SCUBE1: variants seen among roughly 807,000 people sequenced by gnomAD.
SCUBE1 encodes the protein signal peptide, CUB domain and EGF like domain containing 1.
A neutral mutation model predicts 124.4 loss-of-function variants in SCUBE1; 59 were observed. That is an observed-to-expected ratio of 0.47 (90% CI 0.38 to 0.59). The LOEUF (loss-of-function observed/expected upper bound fraction) is 0.59. Among genes scored for constraint, SCUBE1 ranks in the 20% least tolerant of loss-of-function variants. The pLI is 0.00. For missense variants in SCUBE1, 1,150 were observed against 1,371.2 expected (o/e 0.84, Z 2.55); for synonymous variants, 545 against 550.9 (o/e 0.99, Z 0.15).
chr22:43,303,471 G>C (rs1358213038), intron 3 of SCUBE1, among the ~76,000 whole-genome samples: 2 of 152,264 alleles, frequency 1.3e-5, no homozygotes, highest in African/African-American at 4.8e-5. Context: ...CAACAACCAG[G>C]ACTAAGGAAT....
At chr22:43,295,244 C>T (rs539636311) in intron 3 of SCUBE1, among the ~76,000 whole-genome samples, 12 of 152,286 alleles carry the variant, frequency 7.9e-5, no homozygotes, top group African/African-American at 2.6e-4. Flanking sequence ...TCCGTGTAGT[C>T]TTTCTGGTGC....
At position 43,227,641 on chromosome 22, in the gene SCUBE1, C is replaced by T. The variant is rs144391344; in HGVS notation, c.1085-145G>A. 1.5e-3 allele frequency: 1,481 copies of T among 998,654 alleles called. 4 individuals carry two copies. Among genetic ancestry groups the T allele is most frequent in the Non-Finnish European group, 2.0e-3 (1,387 of 680,102 alleles). The allele number at this position is 998,654 out of a possible 1,614,324, so 61.9% of individuals were successfully genotyped here. On this transcript the variant is annotated intron_variant, in intron 9 of 21. Transcript: ENST00000360835. ...ACGGGATGCAGATGAGCAGTGCACA[C>T]GCCACACGCACACACACGCGTGGGT...
At chr22:43,332,548 A>G (rs552646412) in intron 2 of SCUBE1, among the ~76,000 whole-genome samples, 1 of 151,600 alleles carries the variant, frequency 6.6e-6, no homozygotes, top group Non-Finnish European at 1.5e-5. Context: ...TGATGCTGGG[A>G]CCCCTTGGCT....
intron 15 of SCUBE1, among the ~76,000 whole-genome samples, chr22:43,217,985 C>T (rs1443163022): frequency 6.6e-6 from 1 of 152,048 alleles, no homozygotes; most frequent in African/African-American, 2.4e-5. Flanking sequence ...CCCGTGCCCC[C>T]TCGCGCCCCT....
At chr22:43,261,768 C>CA (rs1466709406) in intron 5 of SCUBE1, among the ~76,000 whole-genome samples, 1 of 152,236 alleles carries the variant, frequency 6.6e-6, no homozygotes, top group Non-Finnish European at 1.5e-5. Flanking sequence ...TGATATGAGG[C>CA]ACTTGTCTCT....
chr22:43,338,437 G>A (rs866854982), intron 2 of SCUBE1, among the ~76,000 whole-genome samples: 13 of 152,330 alleles, frequency 8.5e-5, no homozygotes, highest in African/African-American at 2.9e-4. Flanking sequence ...CGGGGGGCAA[G>A]CCCAGGTCTT....
At chr22:43,286,074 C>T (rs550289962) in intron 4 of SCUBE1, among the ~76,000 whole-genome samples, 63 of 152,318 alleles carry the variant, frequency 4.1e-4, no homozygotes, top group East Asian at 1.9e-3. Flanking sequence ...ACTCTGCGGC[C>T]GGCTTGTTGT....
intron 6 of SCUBE1, among the ~76,000 whole-genome samples, chr22:43,253,360 C>T (rs537803385): frequency 1.7e-4 from 26 of 152,286 alleles, no homozygotes; most frequent in Non-Finnish European, 3.1e-4. Flanking sequence ...CTCAGAAGCC[C>T]GGGTCTGGTT....
intron 6 of SCUBE1, among the ~76,000 whole-genome samples, chr22:43,256,288 A>T (rs1923658852): frequency 6.6e-6 from 1 of 152,192 alleles, no homozygotes; most frequent in Non-Finnish European, 1.5e-5. Flanking sequence ...TTATTTTAGG[A>T]GCATGCAGAG....
chr22:43,275,783 G>T (rs555916456), intron 4 of SCUBE1, among the ~76,000 whole-genome samples: 167 of 152,380 alleles, frequency 1.1e-3, no homozygotes, highest in African/African-American at 3.9e-3. Flanking sequence ...AGAACAACAG[G>T]CAGATGGGGA....
chr22:43,261,977 G>A (rs1157285219), intron 5 of SCUBE1, among the ~76,000 whole-genome samples: 1 of 152,102 alleles, frequency 6.6e-6, no homozygotes, highest in Non-Finnish European at 1.5e-5. Context: ...TTGGTTTCCT[G>A]GCTCCTACTC....
chr22:43,232,024 T>G, intron 7 of SCUBE1, 149 bp from the exon 8 acceptor site: 2 of 824,160 alleles, frequency 2.4e-6, no homozygotes, highest in Non-Finnish European at 1.9e-6. Flanking sequence ...TCCCCAGCTG[T>G]GCAGAGGGGT....
Position 43,200,746 on chromosome 22 carries a change from T to G in SCUBE1, c.*3251A>C, listed in dbSNP as rs958865249. 6.6e-6 allele frequency: 1 copy of G among 152,236 alleles called. No homozygotes were observed. Among genetic ancestry groups the G allele is most frequent in the East Asian group, 1.9e-4 (1 of 5,182 alleles). 9.4% of individuals were successfully genotyped at this position (152,236 alleles called of 1,614,324 possible). The stretch of plus-strand genomic sequence containing the variant: ...TGGCGACCTCGCGCTCCTCATGGCC[T>G]CTCCCGTGGGCTGGGAGCTATAGAA... On this transcript the variant is annotated 3_prime_UTR_variant, in exon 22 of 22. Transcript: ENST00000360835.
At chr22:43,244,597 C>T (rs907858180) in intron 6 of SCUBE1, among the ~76,000 whole-genome samples, 3 of 152,244 alleles carry the variant, frequency 2.0e-5, no homozygotes, top group Non-Finnish European at 4.4e-5. Context: ...TGGTGCTGCG[C>T]TGTGCAGGGC....
At chr22:43,217,402 AG>A (rs1921878430) in intron 15 of SCUBE1, among the ~76,000 whole-genome samples, 1 of 148,512 alleles carries the variant, frequency 6.7e-6, no homozygotes, top group Admixed American at 6.7e-5. Flanking sequence ...GGCCGGCGTC[AG>A]GAAGCGATAC....
intron 2 of SCUBE1, among the ~76,000 whole-genome samples, chr22:43,328,349 C>T (rs1295893246): frequency 1.3e-5 from 2 of 152,128 alleles, no homozygotes; most frequent in East Asian, 1.9e-4. Flanking sequence ...TCAGTCAAGG[C>T]CCCTATTCCA....
At chr22:43,248,715 G>A (rs762919973) in intron 6 of SCUBE1, among the ~76,000 whole-genome samples, 63 of 152,328 alleles carry the variant, frequency 4.1e-4, no homozygotes, top group Non-Finnish European at 3.5e-4. Context: ...GCCACCTGAT[G>A]AGCACTGGGC....
intron 21 of SCUBE1, among the ~76,000 whole-genome samples, chr22:43,207,155 G>A (rs867406032): frequency 9.9e-5 from 15 of 152,282 alleles, no homozygotes; most frequent in East Asian, 3.9e-4. Flanking sequence ...TAGTCCCAGC[G>A]GCAGGGGGGC....
chr22:43,204,500 T>C (rs1312482027), intron 21 of SCUBE1, among the ~76,000 whole-genome samples: 3 of 151,860 alleles, frequency 2.0e-5, no homozygotes, highest in Non-Finnish European at 4.4e-5. Context: ...ATTTTCACCA[T>C]GTTGGCCAGC....
Sources: gnomAD v4.1 joint callset for allele counts (sites outside exome capture counted in the v4.1 genomes callset) on GRCh38, gnomAD v4.1.1 for gene constraint, MANE v1.5 for transcripts, NCBI Gene and HGNC (gene_info 2026-07-23, HGNC 2026-07-21) for gene names.